The following VPS13D variants were observed in gnomAD, a reference collection of about 807,000 sequenced individuals.
VPS13D encodes the protein vacuolar protein sorting 13 homolog D.
VPS13D carries 187 observed loss-of-function variants against 461.9 expected under a neutral mutation model. The ratio of observed to expected loss-of-function variants is 0.40; its 90% confidence interval spans 0.36 to 0.46. The LOEUF (loss-of-function observed/expected upper bound fraction) is 0.46. VPS13D is among the 20% of genes least tolerant of loss of function. The pLI, the probability that VPS13D is intolerant of heterozygous loss-of-function variation, is 0.60. For synonymous variants in VPS13D, 1,951 were observed against 1,986.3 expected (o/e 0.98, Z 0.47); for missense variants, 4,711 against 5,364.9 (o/e 0.88, Z 3.81).
chr1:12,319,473 G>T (rs749537806), intron 31 of VPS13D, 24 bp from the exon 32 acceptor site: 1 of 1,613,646 alleles, frequency 6.2e-7, no homozygotes, highest in Non-Finnish European at 8.5e-7. Context: ...GCTCTGGCTT[G>T]ATTGACGACG....
At chr1:12,232,606 C>T (rs1481676139) in intron 1 of VPS13D, among the ~76,000 whole-genome samples, 1 of 142,206 alleles carries the variant, frequency 7.0e-6, no homozygotes, top group Non-Finnish European at 1.5e-5. Flanking sequence ...CAGTTTCCCT[C>T]ATGTTGACTT....
chr1:12,414,711 A>G (rs1644772759), intron 63 of VPS13D, among the ~76,000 whole-genome samples: 1 of 152,126 alleles, frequency 6.6e-6, no homozygotes, highest in African/African-American at 2.4e-5. Context: ...TATTGTGTTC[A>G]CTTTGGGAAA....
At chr1:12,256,050 G>A (rs1640911486) in intron 7 of VPS13D, among the ~76,000 whole-genome samples, 1 of 152,094 alleles carries the variant, frequency 6.6e-6, no homozygotes, top group East Asian at 1.9e-4. Context: ...AACATTTGCT[G>A]TTGGCCAGGC....
Position 12,374,454 on chromosome 1 carries a change from A to G in VPS13D, c.10917+596A>G, listed in dbSNP as rs577073710. The stretch of plus-strand genomic sequence containing the variant: ...CAGAAAATTGGCAAGAATTTTACCA[A>G]AGTGGGGCTGTGATGTTGATTTGTC... On this transcript the variant is annotated intron_variant, in intron 55 of 69. Coordinates refer to ENST00000620676, the MANE Select transcript of VPS13D (RefSeq NM_015378.4). 7.2e-4 allele frequency among the ~76,000 whole-genome samples: 109 copies of G among 152,302 alleles called. 2 individuals are homozygous for G. Among genetic ancestry groups the G allele is most frequent in the Middle Eastern group, 3.4e-3 (1 of 294 alleles).
rs182860792 is a variant in VPS13D, at chr1:12,509,985, C to T, written c.*961C>T. The T allele has an allele frequency of 1.3e-5, 2 of 152,326 alleles. No homozygotes were observed. Among genetic ancestry groups the T allele is most frequent in the East Asian group, 3.9e-4 (2 of 5,188 alleles). The allele number at this position is 152,326 out of a possible 1,614,324, so 9.4% of individuals were successfully genotyped here. A position where few individuals can be genotyped will look rare whatever the true frequency, so the allele number is the denominator to read the frequency against. On this transcript the variant is annotated 3_prime_UTR_variant, in exon 70 of 70. Coordinates refer to ENST00000620676, the MANE Select transcript of VPS13D (RefSeq NM_015378.4). ...TGGGCAGCAACAACCAAGAACAAAG[C>T]CCCGGGACTGTTTTCTTTTTAATAA...
chr1:12,475,730 G>A (rs887035775), intron 67 of VPS13D, among the ~76,000 whole-genome samples: 1 of 152,168 alleles, frequency 6.6e-6, no homozygotes, highest in Non-Finnish European at 1.5e-5. Context: ...GACATACATA[G>A]CAGGCTTGAT....
chr1:12,244,183 C>A, intron 3 of VPS13D, 63 bp from the exon 4 acceptor site: 12 of 1,506,226 alleles, frequency 8.0e-6, no homozygotes, highest in Admixed American at 2.3e-5. Context: ...GTAAAAATAC[C>A]AAAAAATGGA....
chr1:12,449,714 A>G (rs1312923900), intron 65 of VPS13D, among the ~76,000 whole-genome samples: 1 of 152,326 alleles, frequency 6.6e-6, no homozygotes, highest in East Asian at 1.9e-4. Flanking sequence ...ATACCAGCAG[A>G]GTTGAAAATG....
At chr1:12,358,365 T>C in intron 49 of VPS13D, 94 bp from the exon 50 acceptor site, 1 of 1,502,740 alleles carries the variant, frequency 6.7e-7, no homozygotes. Context: ...AGATGGAACT[T>C]GGGTGATAAC....
At chr1:12,361,103 A>G (rs1379479963) in intron 50 of VPS13D, among the ~76,000 whole-genome samples, 4 of 152,162 alleles carry the variant, frequency 2.6e-5, no homozygotes, top group Admixed American at 2.0e-4. Flanking sequence ...TCGTTTCCTC[A>G]TCTATAAAAT....
chr1:12,391,250 A>G (rs1200230532), intron 60 of VPS13D, among the ~76,000 whole-genome samples: 1 of 152,210 alleles, frequency 6.6e-6, no homozygotes, highest in Non-Finnish European at 1.5e-5. Context: ...TGTCCTAGAA[A>G]GGGGCTGTAG....
At chr1:12,344,073 C>A (rs566855956) in intron 42 of VPS13D, among the ~76,000 whole-genome samples, 1 of 152,170 alleles carries the variant, frequency 6.6e-6, no homozygotes. Context: ...AATGTTCTAT[C>A]TGATTACTGA....
intron 9 of VPS13D, 108 bp downstream of exon 9, chr1:12,257,195 A>T (rs1344792301): frequency 1.5e-5 from 14 of 943,404 alleles, no homozygotes; most frequent in Non-Finnish European, 1.7e-6. Flanking sequence ...TGGAGATAAA[A>T]GTACAGTTGA....
intron 22 of VPS13D, among the ~76,000 whole-genome samples, chr1:12,289,676 G>A (rs2101415429): frequency 6.6e-6 from 1 of 151,794 alleles, no homozygotes; most frequent in African/African-American, 2.4e-5. Flanking sequence ...GTATGTGGCT[G>A]GGCACGGTGG....
At chr1:12,447,451 A>G (rs1292059084) in intron 65 of VPS13D, among the ~76,000 whole-genome samples, 1 of 152,224 alleles carries the variant, frequency 6.6e-6, no homozygotes, top group Non-Finnish European at 1.5e-5. Context: ...AGTGGCTGGC[A>G]CATGACGAAC....
chr1:12,311,760 G>A lies in VPS13D; in HGVS notation c.6823-53G>A, dbSNP rs375915587. 73 of 1,592,020 alleles carry A rather than the reference G, an allele frequency of 4.6e-5. 3 individuals are homozygous for A. The Admixed American group carries it at 5.5e-4, about 12-fold the overall frequency. On this transcript the variant is annotated intron_variant, in intron 28 of 69. Transcript: ENST00000620676. The stretch of plus-strand genomic sequence containing the variant: ...ATTAGATTTCTTGGCGTATGAGCCT[G>A]TTTTTAGGATGGCATCATCAGCTGT...
chr1:12,422,522 TA>T (rs1644876499), intron 65 of VPS13D, among the ~76,000 whole-genome samples: 2 of 152,264 alleles, frequency 1.3e-5, no homozygotes, highest in Non-Finnish European at 2.9e-5. Context: ...TTCATTGTCT[TA>T]AATCAGTTTT....
At chr1:12,306,128 C>T (rs1003670465) in intron 26 of VPS13D, among the ~76,000 whole-genome samples, 2 of 152,008 alleles carry the variant, frequency 1.3e-5, no homozygotes, top group African/African-American at 4.8e-5. Context: ...GGACTACAGG[C>T]GCCCGCCACC....
chr1:12,317,813 A>G (rs1443462219), intron 30 of VPS13D, among the ~76,000 whole-genome samples: 1 of 152,184 alleles, frequency 6.6e-6, no homozygotes, highest in Admixed American at 6.5e-5. Context: ...CCACTGAGCT[A>G]TACTACCTAT....
Sources: gnomAD v4.1 joint callset for allele counts (sites outside exome capture counted in the v4.1 genomes callset) on GRCh38, gnomAD v4.1.1 for gene constraint, MANE v1.5 for transcripts, NCBI Gene and HGNC (gene_info 2026-07-23, HGNC 2026-07-21) for gene names.